Variants in GATA6 observed in about 807,000 individuals in gnomAD.
GATA6 encodes the protein GATA binding protein 6.
GATA6 carries 11 observed loss-of-function variants against 48.1 expected under a neutral mutation model. The observed-to-expected ratio is 0.23, with a 90% confidence interval of 0.14 to 0.38. The LOEUF (loss-of-function observed/expected upper bound fraction) is 0.38, where lower values mean the gene tolerates loss of function less well. Among genes scored for constraint, GATA6 ranks in the 10% least tolerant of loss-of-function variants. The pLI is 1.00. For missense variants in GATA6, 795 were observed against 850.3 expected, an observed-to-expected ratio of 0.93 and a Z score of 0.81; for synonymous variants, 419 against 396.1, an observed-to-expected ratio of 1.06 and a Z score of -0.69.
At position 22,172,681 on chromosome 18, in the gene GATA6, G is replaced by A. The variant is rs2033071927; in HGVS notation, c.1135+402G>A. Among the ~76,000 whole-genome samples the A allele has an allele frequency of 6.6e-6, 1 of 152,196 alleles. No individual in the cohort carries two copies. The highest frequency in any genetic ancestry group is 1.5e-5 in the Non-Finnish European group (1 of 68,036). On this transcript the variant is annotated intron_variant, in intron 2 of 6. Transcript: ENST00000269216. This position sits in a 1 kb window ranked among gnomAD's most constrained non-coding sequence, Gnocchi z 5.2. The stretch of plus-strand genomic sequence containing the variant: ...GGGTGAGTGGAAGAAATTCCACGAT[G>A]GGAGTAAGTTTGGGAGAGTGGCGGG...
rs2143291382 is a variant in GATA6, at chr18:22,177,728, G to A, written c.1302+607G>A. On this transcript the variant is annotated intron_variant, in intron 3 of 6. Transcript: ENST00000269216. ...TCACAGCCACATTCTTTTGGGTGCC[G>A]TTTACTTTGTCCTTTCCACCTTCTT... Among the ~76,000 whole-genome samples, 3 of 152,164 alleles carry A rather than the reference G, an allele frequency of 2.0e-5. 1 individual carries two copies. The Middle Eastern group carries it at 0.01, about 518-fold the overall frequency.
In GATA6 at chr18:22,171,713, C is replaced by G; in HGVS notation, c.569C>G (p.Pro190Arg). 1 of 1,493,646 alleles carries G rather than the reference C, an allele frequency of 6.7e-7. No homozygotes were observed. Among genetic ancestry groups the G allele is most frequent in the Non-Finnish European group, 8.8e-7 (1 of 1,130,192 alleles). The allele number at this position is 1,493,646 out of a possible 1,614,324, so 92.5% of individuals were successfully genotyped here. Reference protein sequence around the residue: ...AAAASSPVYVPTTRVGSMLPG... With the variant: ...AAAASSPVYVRTTRVGSMLPG... Reference sequence around the variant, plus strand: ...GCGGCCAGCTCCCCGGTCTACGTGCCCACCACCCGCGTGGGTTCCATGCTG... The same window carrying G: ...GCGGCCAGCTCCCCGGTCTACGTGCGCACCACCCGCGTGGGTTCCATGCTG... The change falls in exon 2 of 7, where the codon CCC (proline) becomes CGC (arginine). Residue 190 changes from proline to arginine, a missense_variant. Coordinates refer to ENST00000269216, the MANE Select transcript of GATA6 (RefSeq NM_005257.6). The surrounding 1 kb of genome is among the most constrained non-coding windows in gnomAD (Gnocchi z 7.1).
chr18:22,189,521 A>G (rs2033303086), intron 6 of GATA6, among the ~76,000 whole-genome samples: 1 of 152,130 alleles, frequency 6.6e-6, no homozygotes, highest in East Asian at 1.9e-4. Flanking sequence ...GTTGGTCACA[A>G]AATTATAGTT....
Position 22,170,378 on chromosome 18 carries a change from G to T in GATA6, c.-38+696G>T, listed in dbSNP as rs1036479614. Among the ~76,000 whole-genome samples, 5 of 152,154 alleles carry T rather than the reference G, an allele frequency of 3.3e-5. No homozygotes were observed. The highest frequency in any genetic ancestry group is 1.2e-4 in the African/African-American group (5 of 41,456). ...CTAAGGTGTGCGGCGCCGCGGGGAC[G>T]CCGGTGGGGCTGGCGATTCCCGCCC... On this transcript the variant is annotated intron_variant, in intron 1 of 6. Coordinates refer to ENST00000269216, the MANE Select transcript of GATA6 (RefSeq NM_005257.6). The surrounding 1 kb of genome is among the most constrained non-coding windows in gnomAD (Gnocchi z 6.7).
At chr18:22,183,125 T>C in intron 6 of GATA6, 82 bp downstream of exon 6, 3 of 1,058,758 alleles carry the variant, frequency 2.8e-6, no homozygotes, top group Non-Finnish European at 4.4e-6. Context: ...TATCTGGTAG[T>C]ACAATAATCT....
rs1233880012 is a variant in GATA6 at position 22,170,918 on chromosome 18, C to G, written c.-37-190C>G. 7 of 590,582 alleles carry G rather than the reference C, an allele frequency of 1.2e-5. No homozygotes were observed. Among genetic ancestry groups the G allele is most frequent in the Admixed American group, 1.2e-4 (4 of 34,426 alleles). 36.6% of individuals were successfully genotyped at this position (590,582 alleles called of 1,614,324 possible). The stretch of plus-strand genomic sequence containing the variant: ...GGGCCCTGTGGCGGCTGCGCAGGCT[C>G]CCTTCCCCTCCCTTATTGATCTCCA... On this transcript the variant is annotated intron_variant, in intron 1 of 6. Transcript: ENST00000269216. This position sits in a 1 kb window ranked among gnomAD's most constrained non-coding sequence, Gnocchi z 6.7.
intron 3 of GATA6, among the ~76,000 whole-genome samples, chr18:22,177,956 T>TG (rs1485336453): frequency 3.1e-4 from 41 of 130,308 alleles, no homozygotes; most frequent in East Asian, 1.1e-3. Context: ...TTTTTTGTTT[T>TG]TTTTTTTTTT....
chr18:22,173,786 C>T (rs1418929831), intron 2 of GATA6, among the ~76,000 whole-genome samples: 1 of 152,180 alleles, frequency 6.6e-6, no homozygotes, highest in Non-Finnish European at 1.5e-5. Context: ...GGATTACAGG[C>T]GCGCGCCGCC....
At chr18:22,187,676 ACTCCTCCTATTT>A (rs1264074492) in intron 6 of GATA6, among the ~76,000 whole-genome samples, 11 of 151,756 alleles carry the variant, frequency 7.2e-5, no homozygotes, top group African/African-American at 2.7e-4. Flanking sequence ...AAATGGTCCT[ACTCCTCCTATTT>A]CTCCTCCTAT....
At position 22,185,682 on chromosome 18, in the gene GATA6, G is replaced by A. The variant is rs1018956456; in HGVS notation, c.1620+2639G>A. Among the ~76,000 whole-genome samples, 2 of 152,236 alleles carry A rather than the reference G, an allele frequency of 1.3e-5. No homozygotes were observed. Among genetic ancestry groups the A allele is most frequent in the Non-Finnish European group, 2.9e-5 (2 of 68,044 alleles). The stretch of plus-strand genomic sequence containing the variant: ...CTGCTGTGGCCATTGTGGGGAAACA[G>A]CTACTCGTCTGCTGGCTGCCTTTGG... On this transcript the variant is annotated intron_variant, in intron 6 of 6. Coordinates refer to ENST00000269216, the MANE Select transcript of GATA6 (RefSeq NM_005257.6). The surrounding 1 kb of genome is among the most constrained non-coding windows in gnomAD (Gnocchi z 4.3).
In GATA6 at chr18:22,185,594, C is replaced by G. The variant is rs1046082283; in HGVS notation, c.1620+2551C>G. ...CTGACTCTTGGCCTTGTTCCGAGGG[C>G]ACACACGGCTGGTGCCTGGGCTTGC... On this transcript the variant is annotated intron_variant, in intron 6 of 6. Transcript: ENST00000269216. This position sits in a 1 kb window ranked among gnomAD's most constrained non-coding sequence, Gnocchi z 4.3. Among the ~76,000 whole-genome samples, 2 of 152,244 alleles carry G rather than the reference C, an allele frequency of 1.3e-5. No homozygotes were observed. The highest frequency in any genetic ancestry group is 2.9e-5 in the Non-Finnish European group (2 of 68,048).
Position 22,181,463 on chromosome 18 carries a change from G to A in GATA6, c.1313G>A (p.Arg438Gln), listed in dbSNP as rs777984822. ...TTGTACTGTTTCTAGCCTTCATCAC[G>A]GCGGCTTGGATTGTCCTGTGCCAAC... ...IKPQKRVPSS[R>Q]RLGLSCANCH... is the part of the protein sequence containing the mutation. The change falls in exon 4 of 7, where the codon CGG (arginine) becomes CAG (glutamine). Residue 438 changes from arginine to glutamine, a missense_variant. By Grantham distance (43) the Arg-to-Gln change is conservative (BLOSUM62 1). This residue lies in a region of GATA6 where 76 missense variants were observed against 113.1 expected (regional missense o/e 0.67). Transcript: ENST00000269216. 2 of 1,614,004 alleles carry A rather than the reference G, an allele frequency of 1.2e-6. No homozygotes were observed. The highest frequency in any genetic ancestry group is 2.2e-5 in the South Asian group (2 of 91,060).
chr18:22,176,141 A>G (rs2033118733), intron 2 of GATA6, among the ~76,000 whole-genome samples: 1 of 152,240 alleles, frequency 6.6e-6, no homozygotes, highest in Admixed American at 6.5e-5. Context: ...TTTTAAATCG[A>G]TTGCTAACTC....
rs541367007 is a variant in GATA6, at chr18:22,171,212, A to G, written c.68A>G (p.Asp23Gly). The G allele has an allele frequency of 1.3e-6, 2 of 1,596,878 alleles. No individual in the cohort carries two copies. The highest frequency in any genetic ancestry group is 1.4e-5 in the African/African-American group (1 of 73,924). The change falls in exon 2 of 7, where the codon GAC (aspartate) becomes GGC (glycine). Residue 23 changes from aspartate (D) to glycine (G), a missense_variant. Around this residue, in one of 5 missense-constraint regions of GATA6, gnomAD observed 591 missense variants for 570.0 expected, o/e 1.04. Transcript: ENST00000269216. This position sits in a 1 kb window ranked among gnomAD's most constrained non-coding sequence, Gnocchi z 7.1. Reference protein sequence around the residue: ...RFGAAGADASDSRAFPAREPS... With the variant: ...RFGAAGADASGSRAFPAREPS... ...GGGGCCGCGGGTGCGGACGCCAGCG[A>G]CTCCAGAGCCTTTCCAGCGCGGGAG...
At chr18:22,177,217 C>CTGGGAGGGGGACG in intron 3 of GATA6, 96 bp downstream of exon 3, 1 of 1,201,428 alleles carries the variant, frequency 8.3e-7, no homozygotes, top group Non-Finnish European at 1.1e-6. Context: ...TGGGCGTCCC[C>CTGGGAGGGGGACG]CTCCCAGGGG....
At chr18:22,182,533 T>C (rs546074597) in intron 4 of GATA6, among the ~76,000 whole-genome samples, 59 of 152,236 alleles carry the variant, frequency 3.9e-4, no homozygotes, top group Non-Finnish European at 4.4e-5. Flanking sequence ...AATTTTTGTA[T>C]ATTTAGTAGA....
intron 6 of GATA6, among the ~76,000 whole-genome samples, chr18:22,188,742 T>A (rs1282816223): frequency 6.6e-6 from 1 of 152,106 alleles, no homozygotes; most frequent in East Asian, 1.9e-4. Context: ...GCTTGTCAAG[T>A]TTACAAGCAG....
chr18:22,180,581 A>G (rs1567998101), intron 3 of GATA6, among the ~76,000 whole-genome samples: 1 of 152,208 alleles, frequency 6.6e-6, no homozygotes, highest in Non-Finnish European at 1.5e-5. Flanking sequence ...AGATTATGCC[A>G]TAAAATTTGC....
chr18:22,190,740 C>A (rs1482866093), intron 6 of GATA6, among the ~76,000 whole-genome samples: 2 of 152,208 alleles, frequency 1.3e-5, no homozygotes, highest in Non-Finnish European at 2.9e-5. Flanking sequence ...TTACCACTCC[C>A]AGGGAGTTGA....
Sources: allele counts gnomAD v4.1 joint callset (sites outside exome capture counted in the v4.1 genomes callset), GRCh38; gene constraint gnomAD v4.1.1; regional missense constraint gnomAD v4.1.1; non-coding constraint Gnocchi (gnomAD v3.1); transcripts MANE v1.5; gene names NCBI Gene and HGNC (gene_info 2026-07-23, HGNC 2026-07-21).